The following MCM5 variants were observed in gnomAD, a reference collection of about 807,000 sequenced individuals.
The protein encoded by MCM5 is DNA replication licensing factor MCM5.
In MCM5, 46 loss-of-function variants were observed where a neutral mutation model predicts 79.9. That is an observed-to-expected ratio of 0.58 (90% CI 0.45 to 0.74). The LOEUF (loss-of-function observed/expected upper bound fraction) is 0.74. MCM5 is among the 30% of genes least tolerant of loss of function. The pLI, the probability that MCM5 is intolerant of heterozygous loss-of-function variation, is 0.00. For synonymous variants in MCM5, 404 were observed against 390.5 expected, an observed-to-expected ratio of 1.03 and a Z score of -0.41; for missense variants, 883 against 1,017.0, an observed-to-expected ratio of 0.87 and a Z score of 1.79.
intron 4 of MCM5, 34 bp downstream of exon 4, chr22:35,403,576 A>C (rs755994226): frequency 2.5e-6 from 4 of 1,607,424 alleles, no homozygotes; most frequent in Non-Finnish European, 3.4e-6. Context: ...TGCATGGTGC[A>C]GAGGGCTTTG....
chr22:35,419,387 G>A (rs1183121711), intron 13 of MCM5, among the ~76,000 whole-genome samples: 1 of 152,184 alleles, frequency 6.6e-6, no homozygotes, highest in East Asian at 1.9e-4. Context: ...CGTCCCAGGA[G>A]AGTCTGAGGT....
chr22:35,415,421 G>A (rs984491768), intron 9 of MCM5, among the ~76,000 whole-genome samples: 3 of 152,164 alleles, frequency 2.0e-5, no homozygotes, highest in Admixed American at 1.3e-4. Context: ...AGTATGTGGC[G>A]TGTAGGTCTA....
Position 35,424,240 on chromosome 22 carries a change from C to CTACCGCCTCAAGTGAGTCG in MCM5, c.2191_*4dup. 1 of 1,548,876 alleles carries CTACCGCCTCAAGTGAGTCG rather than the reference C, an allele frequency of 6.5e-7. No homozygotes were observed. Among genetic ancestry groups the CTACCGCCTCAAGTGAGTCG allele is most frequent in the South Asian group, 1.2e-5 (1 of 83,522 alleles). On this transcript the variant is annotated stop_gained and frameshift_variant, in exon 17 of 17. Coordinates refer to ENST00000216122, the MANE Select transcript of MCM5 (RefSeq NM_006739.4). LOFTEE classifies it high-confidence loss of function. ...AGCATCGCATGCAGCGCAAGGTTCT[C>CTACCGCCTCAAGTGAGTCG]TACCGCCTCAAGTGAGTCGCGCCGC...
At chr22:35,435,003 T>A in the MCM5 span, among the ~76,000 whole-genome samples, 1 of 152,072 alleles carries the variant, frequency 6.6e-6, no homozygotes, top group African/African-American at 2.4e-5. Context: ...ATACAAAAAT[T>A]AGCTGGGTAT....
the MCM5 span, among the ~76,000 whole-genome samples, chr22:35,452,055 C>T: frequency 3.3e-5 from 5 of 152,174 alleles, no homozygotes; most frequent in Admixed American, 1.3e-4. Flanking sequence ...CTTTTTTCTT[C>T]CCTCTCCTGC....
chr22:35,408,210 T>C (rs1342090522), intron 5 of MCM5, among the ~76,000 whole-genome samples, 198 bp from the exon 6 acceptor site: 2 of 152,206 alleles, frequency 1.3e-5, no homozygotes, highest in Non-Finnish European at 2.9e-5. Context: ...TGACTCTTAA[T>C]CCAGTGCTAG....
At chr22:35,429,841 C>T (rs1182347703), downstream of MCM5, among the ~76,000 whole-genome samples, 1 of 152,126 alleles carries the variant, frequency 6.6e-6, no homozygotes, top group Non-Finnish European at 1.5e-5. Flanking sequence ...TTTGTTCTTC[C>T]TTAGAGAACC....
At position 35,418,669 on chromosome 22, in the gene MCM5, A is replaced by AT. The variant is rs1413179188; in HGVS notation, c.1703+813_1703+814insT. ...AGTGAGACTCTGTCTCAAAAAAAAA[A>AT]AATATATATATATGTGTACACACAC... On this transcript the variant is annotated intron_variant, in intron 13 of 16. Coordinates refer to ENST00000216122, the MANE Select transcript of MCM5 (RefSeq NM_006739.4). Among the ~76,000 whole-genome samples the AT allele has an allele frequency of 5.4e-3, 576 of 105,734 alleles. 7 individuals are homozygous for AT. Among genetic ancestry groups the AT allele is most frequent in the African/African-American group, 0.025 (538 of 21,800 alleles). 69.4% of individuals were successfully genotyped at this position (105,734 alleles called of 152,430 possible).
At chr22:35,440,487 T>C in the MCM5 span, among the ~76,000 whole-genome samples, 3 of 152,194 alleles carry the variant, frequency 2.0e-5, no homozygotes, top group Non-Finnish European at 4.4e-5. Flanking sequence ...TGCCAGGTGC[T>C]ACAGGGGTTG....
the MCM5 span, among the ~76,000 whole-genome samples, chr22:35,436,855 G>A: frequency 2.6e-5 from 2 of 78,360 alleles, no homozygotes; most frequent in African/African-American, 6.3e-5. Context: ...TAGAAAAGAC[G>A]TTTATCTGTG....
intron 13 of MCM5, among the ~76,000 whole-genome samples, chr22:35,418,615 G>A (rs755733956): frequency 5.9e-5 from 9 of 151,636 alleles, no homozygotes; most frequent in Non-Finnish European, 8.8e-5. Context: ...AGCTGAGATC[G>A]TGCCATTGCA....
rs776612221 is a variant in MCM5, at chr22:35,406,660, C to T, written c.531C>T (p.Asn177=). Residue 177 remains asparagine, a synonymous_variant, in exon 5 of 17, where the codon AAC becomes AAT. Transcript: ENST00000216122. ...CTATCCAGTGCCGCAGCTGCCGCAA[C>T]ACCCTCACCAACATTGCCATGCGCC... is the stretch of plus-strand genomic sequence containing the variant. ...RISIQCRSCR[N]TLTNIAMRPG... is the part of the protein sequence containing the mutation. The T allele has an allele frequency of 1.2e-6, 2 of 1,612,344 alleles. No homozygotes were observed. Among genetic ancestry groups the T allele is most frequent in the South Asian group, 2.2e-5 (2 of 91,086 alleles).
the MCM5 span, among the ~76,000 whole-genome samples, chr22:35,437,063 T>G: frequency 3.9e-5 from 6 of 152,192 alleles, no homozygotes; most frequent in East Asian, 1.2e-3. Flanking sequence ...AACTTCTGAC[T>G]TCTGGGCAGG....
chr22:35,421,481 T>C lies in MCM5; in HGVS notation c.1975+21T>C, dbSNP rs778136301. 24 of 1,613,770 alleles carry C rather than the reference T, an allele frequency of 1.5e-5. No individual in the cohort carries two copies. In the East Asian group the frequency reaches 4.5e-4, roughly 30 times the overall value. ...GTCAGGTGAGCAGATGCAGGGGCCATGGTCTCAATTGATCTGGGTTCCCTG... is the reference window on the plus strand; with the variant it reads ...GTCAGGTGAGCAGATGCAGGGGCCACGGTCTCAATTGATCTGGGTTCCCTG... On this transcript the variant is annotated intron_variant, in intron 15 of 16. Transcript: ENST00000216122.
the MCM5 span, among the ~76,000 whole-genome samples, chr22:35,437,062 C>T: frequency 1.3e-5 from 2 of 152,250 alleles, no homozygotes; most frequent in Non-Finnish European, 2.9e-5. Flanking sequence ...AAACTTCTGA[C>T]TTCTGGGCAG....
the MCM5 span, among the ~76,000 whole-genome samples, chr22:35,431,078 A>G: frequency 6.6e-6 from 1 of 152,160 alleles, no homozygotes; most frequent in Non-Finnish European, 1.5e-5. Context: ...AGGCGCTCCC[A>G]GGGACTTCCC....
At chr22:35,430,485 A>G in the MCM5 span, among the ~76,000 whole-genome samples, 2 of 149,384 alleles carry the variant, frequency 1.3e-5, no homozygotes, top group Non-Finnish European at 3.0e-5. Context: ...TGGAGCCCCA[A>G]AACCAGCCAG....
chr22:35,427,105 G>T (rs1471331326), downstream of MCM5, among the ~76,000 whole-genome samples: 3 of 152,178 alleles, frequency 2.0e-5, no homozygotes, highest in Non-Finnish European at 2.9e-5. Context: ...CTAAGCGCAG[G>T]TATCACTGAG....
At chr22:35,412,277 G>T (rs1429894126) in intron 7 of MCM5, among the ~76,000 whole-genome samples, 1 of 152,172 alleles carries the variant, frequency 6.6e-6, no homozygotes, top group Non-Finnish European at 1.5e-5. Flanking sequence ...CCCTCTGTTT[G>T]CTCAGAACCC....
Sources: gnomAD v4.1 joint callset for allele counts (sites outside exome capture counted in the v4.1 genomes callset) on GRCh38, gnomAD v4.1.1 for gene constraint, MANE v1.5 for transcripts, NCBI Gene and HGNC (gene_info 2026-07-23, HGNC 2026-07-21) for gene names.